MACROD2: variants seen among roughly 807,000 people sequenced by gnomAD.
MACROD2 encodes the protein ADP-ribose glycohydrolase MACROD2.
MACROD2 carries 36 observed loss-of-function variants against 70.4 expected under a neutral mutation model. That is an observed-to-expected ratio of 0.51 (90% CI 0.39 to 0.68). The LOEUF (loss-of-function observed/expected upper bound fraction) is 0.68. Among genes scored for constraint, MACROD2 ranks in the 30% least tolerant of loss-of-function variants. The pLI is 0.00. For synonymous variants in MACROD2, 172 were observed against 178.8 expected (o/e 0.96, Z 0.30); for missense variants, 496 against 538.4 (o/e 0.92, Z 0.78).
At chr20:15,447,477 A>G (rs1220429238) in intron 7 of MACROD2, among the ~76,000 whole-genome samples, 2 of 152,194 alleles carry the variant, frequency 1.3e-5, no homozygotes, top group Admixed American at 1.3e-4. Flanking sequence ...AGCTGCTAAA[A>G]GCAACTAGGT....
chr20:15,375,957 A>G (rs1412498002), intron 6 of MACROD2, among the ~76,000 whole-genome samples: 2 of 152,140 alleles, frequency 1.3e-5, no homozygotes, highest in African/African-American at 4.8e-5. Flanking sequence ...ATGATGAATG[A>G]ATGCATCGAC....
intron 5 of MACROD2, among the ~76,000 whole-genome samples, chr20:15,153,654 T>C (rs1159324859): frequency 6.6e-6 from 1 of 152,218 alleles, no homozygotes; most frequent in Non-Finnish European, 1.5e-5. Context: ...AAGCCAGATA[T>C]GGAATACATA....
intron 6 of MACROD2, among the ~76,000 whole-genome samples, chr20:15,318,460 A>G (rs1368821035): frequency 3.9e-5 from 6 of 152,176 alleles, no homozygotes; most frequent in Non-Finnish European, 8.8e-5. Context: ...AACATGTTCT[A>G]ACTCATTCTA....
rs1023376709 is a variant in MACROD2 at position 14,248,048 on chromosome 20, C to T, written c.271+162320C>T. 6.6e-4 allele frequency among the ~76,000 whole-genome samples: 100 copies of T among 152,238 alleles called. 1 individual carries two copies. The highest frequency in any genetic ancestry group is 2.3e-3 in the African/African-American group (97 of 41,538). ...CTGGTGATGCAACTGTGCTGCTTAG[C>T]TACACTTAACACATTACTTTTTCAC... is the stretch of plus-strand genomic sequence containing the variant. On this transcript the variant is annotated intron_variant, in intron 3 of 17. Transcript: ENST00000684519.
intron 8 of MACROD2, among the ~76,000 whole-genome samples, chr20:15,686,948 A>AG (rs2050234653): frequency 6.6e-6 from 1 of 151,292 alleles, no homozygotes; most frequent in Admixed American, 6.6e-5. Context: ...CTCAAAAAAA[A>AG]AAAATCACCA....
chr20:14,084,734 C>A (rs943809244), intron 2 of MACROD2, among the ~76,000 whole-genome samples: 3 of 151,664 alleles, frequency 2.0e-5, no homozygotes, highest in Non-Finnish European at 2.9e-5. Context: ...CTAGTAGCAC[C>A]CTCTAGAGCA....
chr20:15,759,145 C>CAAAAAAAAAAAAAAAAA, intron 8 of MACROD2, among the ~76,000 whole-genome samples: 1 of 58,926 alleles, frequency 1.7e-5, no homozygotes, highest in Non-Finnish European at 3.1e-5. Context: ...GACTCCATCT[C>CAAAAAAAAAAAAAAAAA]AAAAAAAAAA....
At chr20:15,543,234 G>A (rs1389317692) in intron 8 of MACROD2, among the ~76,000 whole-genome samples, 1 of 152,148 alleles carries the variant, frequency 6.6e-6, no homozygotes, top group Non-Finnish European at 1.5e-5. Flanking sequence ...TATCAGTTGT[G>A]TGTCCCTGAG....
chr20:15,893,026 C>T (rs547401984), intron 10 of MACROD2: 3 of 399,224 alleles, frequency 7.5e-6, no homozygotes, highest in South Asian at 1.3e-4. Flanking sequence ...TCCTGTCCCT[C>T]CTTCCTTTAG....
At chr20:14,234,228 A>G (rs1299968765) in intron 3 of MACROD2, among the ~76,000 whole-genome samples, 2 of 152,178 alleles carry the variant, frequency 1.3e-5, no homozygotes, top group East Asian at 1.9e-4. Context: ...AAAAGCAATA[A>G]TAAAACTCAC....
chr20:15,909,656 T>C (rs1007815285), intron 10 of MACROD2, among the ~76,000 whole-genome samples: 2 of 150,484 alleles, frequency 1.3e-5, no homozygotes, highest in South Asian at 2.1e-4. Flanking sequence ...CCCAAGTAGC[T>C]GGGACTACAG....
At chr20:14,797,113 ACT>A (rs1032186841) in intron 5 of MACROD2, among the ~76,000 whole-genome samples, 10 of 151,828 alleles carry the variant, frequency 6.6e-5, no homozygotes, top group African/African-American at 1.9e-4. Context: ...TGTCCGTGTT[ACT>A]CTCGCATCTC....
intron 8 of MACROD2, among the ~76,000 whole-genome samples, chr20:15,640,586 T>C (rs1396364002): frequency 6.6e-6 from 1 of 152,178 alleles, no homozygotes; most frequent in East Asian, 1.9e-4. Context: ...GAGAACATAG[T>C]CATGTGGCCT....
chr20:14,303,373 G>T (rs2082493008), intron 3 of MACROD2, among the ~76,000 whole-genome samples: 1 of 152,100 alleles, frequency 6.6e-6, no homozygotes, highest in Non-Finnish European at 1.5e-5. Flanking sequence ...TTTCTGAGGT[G>T]GTAGAAGGGC....
chr20:14,323,741 G>A (rs1230103234), intron 3 of MACROD2: 1 of 152,048 alleles, frequency 6.6e-6, no homozygotes, highest in Non-Finnish European at 1.5e-5. Context: ...GCCAGAAACA[G>A]GGACAAAGAG....
At chr20:14,614,388 C>A (rs1983353573) in intron 4 of MACROD2, among the ~76,000 whole-genome samples, 1 of 152,066 alleles carries the variant, frequency 6.6e-6, no homozygotes, top group Admixed American at 6.6e-5. Context: ...TGGTGCTCAC[C>A]TCACCCATTA....
intron 4 of MACROD2, among the ~76,000 whole-genome samples, chr20:14,565,973 A>G (rs1297907994): frequency 5.9e-5 from 9 of 151,918 alleles, no homozygotes; most frequent in Admixed American, 3.3e-4. Context: ...ATCTTTGGAC[A>G]TGGCTCCTTT....
intron 5 of MACROD2, among the ~76,000 whole-genome samples, chr20:15,103,443 T>C (rs1344884074): frequency 3.3e-5 from 5 of 152,084 alleles, no homozygotes; most frequent in Non-Finnish European, 7.4e-5. Context: ...TATCAGACAC[T>C]GACAAGCACA....
At chr20:15,546,517 A>G (rs1235570232) in intron 8 of MACROD2, among the ~76,000 whole-genome samples, 4 of 152,212 alleles carry the variant, frequency 2.6e-5, no homozygotes, top group African/African-American at 9.7e-5. Context: ...TGGGTTAAAA[A>G]TGAAGTTGTT....
Sources: gnomAD v4.1 joint callset for allele counts (sites outside exome capture counted in the v4.1 genomes callset) on GRCh38, gnomAD v4.1.1 for gene constraint, MANE v1.5 for transcripts, NCBI Gene and HGNC (gene_info 2026-07-23, HGNC 2026-07-21) for gene names.